SGCD: variants seen among roughly 807,000 people sequenced by gnomAD.
SGCD encodes the protein delta-sarcoglycan.
In SGCD, 18 loss-of-function variants were observed where a neutral mutation model predicts 36.6. The observed-to-expected ratio is 0.49, with a 90% CI of 0.34 to 0.73. The LOEUF (loss-of-function observed/expected upper bound fraction) is 0.73, where lower values mean the gene tolerates loss of function less well. SGCD is among the 30% of genes least tolerant of loss of function. SGCD has a pLI of 0.01. For synonymous variants in SGCD, 133 were observed against 130.6 expected (o/e 1.02, Z -0.12); for missense variants, 387 against 346.7 (o/e 1.12, Z -0.92).
intron 4 of SGCD, among the ~76,000 whole-genome samples, chr5:156,531,404 A>C (rs1373492672): frequency 6.6e-6 from 1 of 152,256 alleles, no homozygotes; most frequent in East Asian, 1.9e-4. Flanking sequence ...ATGTACAGGA[A>C]GTATAATGAA....
Position 156,767,130 on chromosome 5 carries a change from G to A in SGCD, c.*7740G>A, listed in dbSNP as rs1304834520. 6.6e-6 allele frequency: 1 copy of A among 152,136 alleles called. No individual in the cohort carries two copies. The highest frequency in any genetic ancestry group is 1.5e-5 in the Non-Finnish European group (1 of 68,034). 9.4% of individuals were successfully genotyped at this position (152,136 alleles called of 1,614,324 possible). On this transcript the variant is annotated 3_prime_UTR_variant, in exon 9 of 9. Transcript: ENST00000337851. ...TAGATACCATTAAAGGGTCTCATAG[G>A]ACTAACCTTACCAGAGCCAGAAATC...
chr5:156,229,276 A>ATATATATATATATATATG (rs1561574916), intron 3 of SGCD, among the ~76,000 whole-genome samples: 5 of 44,004 alleles, frequency 1.1e-4, no homozygotes, highest in African/African-American at 5.4e-4. Context: ...ATATATACAT[A>ATATATATATATATATATG]CATATATATA....
At chr5:156,305,236 C>A (rs1430251560) in intron 3 of SGCD, among the ~76,000 whole-genome samples, 1 of 152,112 alleles carries the variant, frequency 6.6e-6, no homozygotes, top group Non-Finnish European at 1.5e-5. Context: ...GGTCAGGAGG[C>A]CTAGGAGGAA....
intron 3 of SGCD, among the ~76,000 whole-genome samples, chr5:156,381,128 T>G (rs1019922315): frequency 1.3e-5 from 2 of 152,158 alleles, no homozygotes; most frequent in Non-Finnish European, 2.9e-5. Flanking sequence ...GAAGCCAGGG[T>G]GGAGGCCAAG....
chr5:156,630,116 G>C (rs1050052170), intron 6 of SGCD, among the ~76,000 whole-genome samples: 1 of 152,128 alleles, frequency 6.6e-6, no homozygotes, highest in Non-Finnish European at 1.5e-5. Flanking sequence ...ACCCGCCTCA[G>C]CCTCCCAAAA....
At chr5:156,430,572 A>G (rs1248364608) in intron 3 of SGCD, among the ~76,000 whole-genome samples, 2 of 151,800 alleles carry the variant, frequency 1.3e-5, no homozygotes, top group Non-Finnish European at 2.9e-5. Flanking sequence ...GTTTTGTCAT[A>G]TTGTTAGATT....
At chr5:156,605,461 G>A (rs1041433430) in intron 6 of SGCD, among the ~76,000 whole-genome samples, 6 of 152,100 alleles carry the variant, frequency 3.9e-5, no homozygotes, top group Non-Finnish European at 8.8e-5. Context: ...TTGGACATTT[G>A]GCTTGGTTCC....
chr5:156,033,763 C>T (rs546994674), intron 1 of SGCD, among the ~76,000 whole-genome samples: 1 of 152,242 alleles, frequency 6.6e-6, no homozygotes, highest in East Asian at 1.9e-4. Flanking sequence ...AATGAATGTC[C>T]TTTTCTGTGT....
At chr5:155,917,452 A>G (rs886556409) in intron 1 of SGCD, among the ~76,000 whole-genome samples, 6 of 152,212 alleles carry the variant, frequency 3.9e-5, no homozygotes, top group South Asian at 2.1e-4. Context: ...TATTCTTAGT[A>G]TACATTATTG....
intron 4 of SGCD, among the ~76,000 whole-genome samples, chr5:156,575,809 G>A (rs934418): frequency 0.47 from 72,129 of 151,896 alleles, 17,382 homozygotes; most frequent in African/African-American, 0.5. Context: ...AGGTACACAA[G>A]TTATGTTGAC....
intron 3 of SGCD, among the ~76,000 whole-genome samples, chr5:156,172,199 G>T (rs759546160): frequency 6.6e-6 from 1 of 152,146 alleles, no homozygotes; most frequent in Non-Finnish European, 1.5e-5. Flanking sequence ...CAGGAGAATC[G>T]CTTGAACCCG....
rs541093433 is a variant in SGCD at position 156,764,569 on chromosome 5, T to C, written c.*5179T>C. 6.5e-6 allele frequency: 1 copy of C among 152,750 alleles called. No individual in the cohort carries two copies. Among genetic ancestry groups the C allele is most frequent in the East Asian group, 1.9e-4 (1 of 5,186 alleles). The allele number at this position is 152,750 out of a possible 1,614,324, so 9.5% of individuals were successfully genotyped here. A position where few individuals can be genotyped will look rare whatever the true frequency, so the allele number is the denominator to read the frequency against. The stretch of plus-strand genomic sequence containing the variant: ...TAATTACTTGTGGGAGGTCCTCCTT[T>C]TGAGTATTGTTAGAGCATACATGTA... On this transcript the variant is annotated 3_prime_UTR_variant, in exon 9 of 9. Transcript: ENST00000337851.
At chr5:156,407,289 G>A (rs1307308936) in intron 3 of SGCD, among the ~76,000 whole-genome samples, 7 of 152,164 alleles carry the variant, frequency 4.6e-5, no homozygotes, top group African/African-American at 1.4e-4. Context: ...GCCTGGAACT[G>A]TTATAATCGC....
chr5:155,874,817 A>G (rs1455102563), intron 1 of SGCD, among the ~76,000 whole-genome samples: 1 of 152,184 alleles, frequency 6.6e-6, no homozygotes, highest in Non-Finnish European at 1.5e-5. Context: ...ACTAGTGACA[A>G]TACAAAATGC....
At chr5:156,339,267 C>T (rs895958906) in intron 2 of SGCD, among the ~76,000 whole-genome samples, 3 of 152,100 alleles carry the variant, frequency 2.0e-5, no homozygotes, top group Admixed American at 6.5e-5. Context: ...ATTTTGTGTG[C>T]AAGAAACAGA....
intron 3 of SGCD, among the ~76,000 whole-genome samples, chr5:156,504,059 C>G (rs909973366): frequency 1.3e-5 from 2 of 151,754 alleles, no homozygotes; most frequent in African/African-American, 4.8e-5. Context: ...CAAAAATTAG[C>G]CAGGCATAGT....
chr5:156,361,053 C>T (rs1381830325), intron 3 of SGCD, among the ~76,000 whole-genome samples: 1 of 152,200 alleles, frequency 6.6e-6, no homozygotes, highest in African/African-American at 2.4e-5. Flanking sequence ...ATGCTGTAAG[C>T]CCCTCTGGGG....
intron 7 of SGCD, among the ~76,000 whole-genome samples, chr5:156,750,748 G>T (rs1368931828): frequency 6.6e-6 from 1 of 151,676 alleles, no homozygotes; most frequent in African/African-American, 2.4e-5. Context: ...ATGAAAAACA[G>T]CTTACCTAGG....
chr5:156,233,998 A>C (rs1406367208), intron 3 of SGCD, among the ~76,000 whole-genome samples: 1 of 152,246 alleles, frequency 6.6e-6, no homozygotes, highest in Admixed American at 6.5e-5. Flanking sequence ...TTACTATTTT[A>C]CATTCTCATC....
Sources: allele counts gnomAD v4.1 joint callset (sites outside exome capture counted in the v4.1 genomes callset), GRCh38; gene constraint gnomAD v4.1.1; transcripts MANE v1.5; gene names NCBI Gene and HGNC (gene_info 2026-07-23, HGNC 2026-07-21).